HDAC9: variants seen among roughly 807,000 people sequenced by gnomAD.
HDAC9 encodes histone deacetylase 9, also known as MEF-2 interacting transcription repressor (MITR) protein.
Under a neutral mutation model 139.4 loss-of-function variants are expected in HDAC9, and 41 were observed. The ratio of observed to expected loss-of-function variants is 0.29; its 90% confidence interval spans 0.23 to 0.38. The LOEUF (loss-of-function observed/expected upper bound fraction) is 0.38, where lower values mean the gene tolerates loss of function less well. Among genes scored for constraint, HDAC9 ranks in the 10% least tolerant of loss-of-function variants. The pLI, the probability that HDAC9 is intolerant of heterozygous loss-of-function variation, is 1.00. For synonymous variants in HDAC9, 517 were observed against 476.2 expected (o/e 1.09, Z -1.12); for missense variants, 1,147 against 1,297.0 (o/e 0.88, Z 1.78).
In HDAC9 at chr7:18,909,251, T is replaced by G. The variant is rs116690960; in HGVS notation, c.2804-26558T>G. Among the ~76,000 whole-genome samples the G allele has an allele frequency of 9.4e-3, 1,431 of 152,142 alleles. 32 individuals carry two copies. The highest frequency in any genetic ancestry group is 0.033 in the African/African-American group (1,376 of 41,532). ...ATTTTTAAATCAGATTATTTGGTTT[T>G]ATTTTGCTGATGAGTTGTTTGGGTT... On this transcript the variant is annotated intron_variant, in intron 22 of 25. Transcript: ENST00000686413.
chr7:18,947,163 TAGAAA>T (rs1782462402), intron 23 of HDAC9, among the ~76,000 whole-genome samples: 2 of 151,944 alleles, frequency 1.3e-5, no homozygotes, highest in South Asian at 4.1e-4. Flanking sequence ...ATGTATATAT[TAGAAA>T]AGAAGAAAAC....
At chr7:18,985,705 A>G (rs1241180826) in intron 25 of HDAC9, among the ~76,000 whole-genome samples, 6 of 144,204 alleles carry the variant, frequency 4.2e-5, no homozygotes, top group East Asian at 2.0e-4. Context: ...AAGTGTTCCT[A>G]TTTCTCCACA....
chr7:18,953,494 TTC>T (rs1181346097), intron 23 of HDAC9, among the ~76,000 whole-genome samples: 1 of 152,130 alleles, frequency 6.6e-6, no homozygotes, highest in Non-Finnish European at 1.5e-5. Flanking sequence ...ATTAGTGTAA[TTC>T]CAGAAGATTA....
intron 16 of HDAC9, among the ~76,000 whole-genome samples, chr7:18,769,963 G>T (rs955474462): frequency 6.6e-6 from 1 of 152,072 alleles, no homozygotes; most frequent in Admixed American, 6.6e-5. Context: ...TAAAGTAAAC[G>T]CCAGTTCCTT....
chr7:18,954,154 A>G lies in HDAC9; in HGVS notation c.2946A>G (p.Pro982=). 6.4e-7 allele frequency: 1 copy of G among 1,564,872 alleles called. No individual in the cohort carries two copies. Among genetic ancestry groups the G allele is most frequent in the African/African-American group, 1.4e-5 (1 of 73,902 alleles). ...VNALLGNELE[P]LAEDILHQSP... ...ATCTACTATTCTTGCAGCTGGAGCC[A>G]CTTGCAGAAGATATTCTCCACCAAA... The change falls in exon 24 of 26, where the codon CCA becomes CCG. Residue 982 remains proline (P), a synonymous_variant. Transcript: ENST00000686413.
intron 1 of HDAC9, among the ~76,000 whole-genome samples, chr7:18,321,320 T>A (rs1585163784): frequency 6.6e-6 from 1 of 152,340 alleles, no homozygotes; most frequent in South Asian, 2.1e-4. Flanking sequence ...CATCATTAGT[T>A]CATCTACCTT....
At chr7:18,331,650 C>A (rs1283471900) in intron 1 of HDAC9, among the ~76,000 whole-genome samples, 2 of 151,422 alleles carry the variant, frequency 1.3e-5, no homozygotes, top group Non-Finnish European at 1.5e-5. Flanking sequence ...AAAAGAAGTA[C>A]AAAATGTCTA....
At chr7:18,977,123 T>C (rs570943219) in intron 25 of HDAC9, among the ~76,000 whole-genome samples, 39 of 152,166 alleles carry the variant, frequency 2.6e-4, no homozygotes, top group Non-Finnish European at 5.0e-4. Context: ...GGGGGAAAAG[T>C]TGTATATTAC....
chr7:18,106,990 A>T (rs955497853), intron 1 of HDAC9, among the ~76,000 whole-genome samples: 1 of 152,228 alleles, frequency 6.6e-6, no homozygotes, highest in African/African-American at 2.4e-5. Flanking sequence ...CAATCAGAAA[A>T]TCTTGAAAGA....
At chr7:18,372,094 C>A (rs147034097) in intron 1 of HDAC9, among the ~76,000 whole-genome samples, 140 of 152,304 alleles carry the variant, frequency 9.2e-4, no homozygotes, top group African/African-American at 3.2e-3. Flanking sequence ...GCTCAGCTAA[C>A]CCAGTAAGGT....
chr7:18,931,919 G>A (rs1263729197), intron 22 of HDAC9, among the ~76,000 whole-genome samples: 2 of 152,094 alleles, frequency 1.3e-5, no homozygotes, highest in African/African-American at 4.8e-5. Flanking sequence ...TATAATGGTG[G>A]ATGCGTGACA....
chr7:18,435,504 A>T (rs1157718223), intron 1 of HDAC9, among the ~76,000 whole-genome samples: 1 of 152,200 alleles, frequency 6.6e-6, no homozygotes, highest in African/African-American at 2.4e-5. Flanking sequence ...TTCGAGAGAG[A>T]GAAGGTATTG....
At chr7:18,797,565 T>C (rs1244114766) in intron 17 of HDAC9, among the ~76,000 whole-genome samples, 3 of 152,168 alleles carry the variant, frequency 2.0e-5, no homozygotes, top group Non-Finnish European at 2.9e-5. Flanking sequence ...CAGTGGTTCA[T>C]GCCTGTAATC....
intron 2 of HDAC9, among the ~76,000 whole-genome samples, chr7:18,541,835 G>A (rs1471020774): frequency 6.6e-6 from 1 of 152,168 alleles, no homozygotes; most frequent in East Asian, 1.9e-4. Flanking sequence ...AGTGATTCAT[G>A]AAAATGTAAT....
At chr7:18,588,447 A>G (rs1160254869) in intron 3 of HDAC9, among the ~76,000 whole-genome samples, 9 of 152,210 alleles carry the variant, frequency 5.9e-5, no homozygotes, top group African/African-American at 2.2e-4. Flanking sequence ...AGTCAAAAAT[A>G]TAAAATTCAT....
At chr7:18,562,655 C>T (rs916749343) in intron 2 of HDAC9, among the ~76,000 whole-genome samples, 1 of 152,162 alleles carries the variant, frequency 6.6e-6, no homozygotes, top group Non-Finnish European at 1.5e-5. Flanking sequence ...ATTATTATAA[C>T]TTTGTAATAA....
At chr7:18,357,154 T>C (rs1431663801) in intron 1 of HDAC9, among the ~76,000 whole-genome samples, 3 of 152,158 alleles carry the variant, frequency 2.0e-5, no homozygotes, top group South Asian at 2.1e-4. Context: ...TTGATTTTAG[T>C]GTAGGAGCCT....
chr7:18,540,361 C>T lies in HDAC9; in HGVS notation c.22+44037C>T, dbSNP rs186729063. ...TCTTTCTTACATATAACACTGTCATCATCAAATTGAAGAAACCTTATTAAA... is the reference window on the plus strand; with the variant it reads ...TCTTTCTTACATATAACACTGTCATTATCAAATTGAAGAAACCTTATTAAA... On this transcript the variant is annotated intron_variant, in intron 2 of 25. Coordinates refer to ENST00000686413, the MANE Select transcript of HDAC9 (RefSeq NM_178425.4). Among the ~76,000 whole-genome samples, 376 of 151,242 alleles carry T rather than the reference C, an allele frequency of 2.5e-3. 5 individuals carry two copies. The highest frequency in any genetic ancestry group is 0.018 in the South Asian group (86 of 4,754).
At position 18,966,625 on chromosome 7, in the gene HDAC9, C is replaced by T. The variant is rs181504760; in HGVS notation, c.3023-9181C>T. Among the ~76,000 whole-genome samples the T allele has an allele frequency of 2.4e-4, 36 of 152,078 alleles. No individual in the cohort carries two copies. In the East Asian group the frequency reaches 4.1e-3, roughly 17 times the overall value. On this transcript the variant is annotated intron_variant, in intron 24 of 25. Coordinates refer to ENST00000686413, the MANE Select transcript of HDAC9 (RefSeq NM_178425.4). Reference sequence around the variant, plus strand: ...CTGAGGCAGGAGAATTGCTTGAACCCGGGAGGCAGAGGTTACCATGAATGG... The same window carrying T: ...CTGAGGCAGGAGAATTGCTTGAACCTGGGAGGCAGAGGTTACCATGAATGG...
Sources: gnomAD v4.1 joint callset for allele counts (sites outside exome capture counted in the v4.1 genomes callset) on GRCh38, gnomAD v4.1.1 for gene constraint, MANE v1.5 for transcripts, NCBI Gene and HGNC (gene_info 2026-07-23, HGNC 2026-07-21) for gene names.